The following ABCA2 variants were observed in gnomAD, a reference collection of about 807,000 sequenced individuals.
The protein encoded by ABCA2 is ATP-binding cassette sub-family A member 2.
A neutral mutation model predicts 262.8 loss-of-function variants in ABCA2; 84 were observed. The ratio of observed to expected loss-of-function variants is 0.32; its 90% confidence interval spans 0.27 to 0.38. The LOEUF (loss-of-function observed/expected upper bound fraction) is 0.38. ABCA2 is among the 10% of genes least tolerant of loss of function. The pLI, the probability that ABCA2 is intolerant of heterozygous loss-of-function variation, is 1.00. For synonymous variants in ABCA2, 1,696 were observed against 1,502.9 expected (o/e 1.13, Z -2.97); for missense variants, 2,662 against 3,405.9 (o/e 0.78, Z 5.44).
chr9:137,022,539 G>C, intron 5 of ABCA2, 61 bp from the exon 6 acceptor site: 1 of 1,586,190 alleles, frequency 6.3e-7, no homozygotes, highest in Non-Finnish European at 8.6e-7. Context: ...GCCCCCACAT[G>C]CGCTCGGAGC....
intron 1 of ABCA2, among the ~76,000 whole-genome samples, chr9:137,024,700 A>C (rs1359544120): frequency 4.6e-5 from 7 of 151,586 alleles, no homozygotes; most frequent in South Asian, 4.2e-4. Context: ...GGAGATGAGG[A>C]GGCCTGGTTG....
chr9:137,007,967 G>C lies in ABCA2; in HGVS notation c.7276-3C>G. ...TCCGTGTTGAAGGACAGCTGGGCCT[G>C]TGCACAGGGGAGGTCAGGCTTATGG... On this transcript the variant is annotated splice_polypyrimidine_tract_variant and splice_region_variant and intron_variant, in intron 48 of 48. Transcript: ENST00000341511. 1 of 1,603,992 alleles carries C rather than the reference G, an allele frequency of 6.2e-7. No homozygotes were observed. The highest frequency in any genetic ancestry group is 8.5e-7 in the Non-Finnish European group (1 of 1,179,482).
Position 137,020,819 on chromosome 9 carries a change from G to A in ABCA2, c.1140C>T (p.Asn380=), listed in dbSNP as rs546613988. 2.3e-5 allele frequency: 36 copies of A among 1,562,596 alleles called. No homozygotes were observed. The highest frequency in any genetic ancestry group is 3.8e-5 in the Admixed American group (2 of 53,152). The change falls in exon 9 of 49, where the codon AAC becomes AAT. Residue 380 remains asparagine, a synonymous_variant. Transcript: ENST00000341511. ...GTGAGAVMGP[N]ATAEEGAPSA... ...AGGGTGCGCCCTCCTCAGCGGTGGC[G>A]TTGGGGCCCATGACTGCCCCTGCCC...
At position 137,019,314 on chromosome 9, in the gene ABCA2, G is replaced by C. The variant is rs563219144; in HGVS notation, c.1426-8C>G. On this transcript the variant is annotated splice_polypyrimidine_tract_variant and splice_region_variant and intron_variant, in intron 10 of 48. Coordinates refer to ENST00000341511, the MANE Select transcript of ABCA2 (RefSeq NM_001606.5). The surrounding 1 kb of genome is among the most constrained non-coding windows in gnomAD (Gnocchi z 4.4). ...AGCAAAAGTCTCGTTGGCCTGCAGG[G>C]GGTGAGGCAGGGGCATGGAGTTTCT... The C allele has an allele frequency of 1.9e-6, 3 of 1,612,204 alleles. No homozygotes were observed. The Admixed American group carries it at 5.0e-5, about 27-fold the overall frequency.
rs1376297700 is a variant in ABCA2, at chr9:137,015,984, C to T, written c.3295G>A (p.Glu1099Lys). 5.7e-6 allele frequency: 8 copies of T among 1,415,880 alleles called. No individual in the cohort carries two copies. Among genetic ancestry groups the T allele is most frequent in the Non-Finnish European group, 7.6e-6 (8 of 1,055,524 alleles). The allele number at this position is 1,415,880 out of a possible 1,614,324, so 87.7% of individuals were successfully genotyped here. ...YSRLKSMAQE[E>K]IRREMDKMIE... ...CACTTGTCCATCTCTCTGCGGATCT[C>T]CTCCTGAGCCATGCTCTTGAGCCGT... Residue 1099 changes from glutamate (E) to lysine (K), a missense_variant, in exon 22 of 49, where the codon GAG (glutamate) becomes AAG (lysine). Transcript: ENST00000341511.
rs373818717 is a variant in ABCA2 at position 137,013,201 on chromosome 9, C to T, written c.4668G>A (p.Thr1556=). 3.7e-6 allele frequency: 6 copies of T among 1,600,990 alleles called. No individual in the cohort carries two copies. The highest frequency in any genetic ancestry group is 4.3e-6 in the Non-Finnish European group (5 of 1,176,176). The change falls in exon 30 of 49, where the codon ACG becomes ACA. Residue 1556 remains threonine, a synonymous_variant. Coordinates refer to ENST00000341511, the MANE Select transcript of ABCA2 (RefSeq NM_001606.5). ...GCGACTCCCCGCTGCTCAGGTTCAA[C>T]GTGGGCCCCAGCGAGCCGTTGGCGG... ...KSPANGSLGP[T]LNLSSGESRL...
rs1831551695 is a variant in ABCA2 at position 137,023,599 on chromosome 9, A to T, written c.163+239T>A. Reference sequence around the variant, plus strand: ...CTAGAAGGCAAGGCCAGGCAGAGAGATGCCGCCTCAGCTTGACCCAGGCAC... The same window carrying T: ...CTAGAAGGCAAGGCCAGGCAGAGAGTTGCCGCCTCAGCTTGACCCAGGCAC... On this transcript the variant is annotated intron_variant, in intron 3 of 48. Transcript: ENST00000341511. 2.2e-5 allele frequency: 16 copies of T among 731,454 alleles called. No individual in the cohort carries two copies. The South Asian group carries it at 2.3e-4, about 10-fold the overall frequency. The allele number at this position is 731,454 out of a possible 1,614,324, so 45.3% of individuals were successfully genotyped here.
At chr9:137,014,838 C>T (rs760677245) in intron 25 of ABCA2, 28 bp from the exon 26 acceptor site, 23 of 1,587,796 alleles carry the variant, frequency 1.4e-5, no homozygotes, top group East Asian at 4.5e-5. Context: ...GGGGAGGCTG[C>T]GGCAGGGACG....
intron 10 of ABCA2, 84 bp downstream of exon 10, chr9:137,020,252 A>T (rs1004408537): frequency 4.7e-5 from 74 of 1,578,942 alleles, no homozygotes; most frequent in Non-Finnish European, 6.3e-5. Flanking sequence ...AATTCTGCCG[A>T]CACCCTCTGC....
intron 45 of ABCA2, 106 bp downstream of exon 45, chr9:137,009,264 G>A: frequency 1.2e-6 from 1 of 811,954 alleles, no homozygotes; most frequent in Non-Finnish European, 1.8e-6. Context: ...AGCCCCCCTG[G>A]CCCCACAGCC....
Position 137,008,812 on chromosome 9 carries a change from G to C in ABCA2, c.6987C>G (p.Ala2329=). The C allele has an allele frequency of 6.2e-7, 1 of 1,605,052 alleles. No homozygotes were observed. The highest frequency in any genetic ancestry group is 8.5e-7 in the Non-Finnish European group (1 of 1,179,012). The change falls in exon 47 of 49, where the codon GCC becomes GCG. Residue 2329 remains alanine (A), a synonymous_variant. Transcript: ENST00000341511. ...CCTGCTCCATCTTGCTGAACACCTG[G>C]GCCAGCGAGATGTGCTCCGACTTGA... The part of the protein sequence containing the change: ...YQLKSEHISL[A]QVFSKMEQVS...
rs1204287704 is a variant in ABCA2 at position 137,007,827 on chromosome 9, G to A, written c.*102C>T. The A allele has an allele frequency of 2.0e-6, 3 of 1,501,452 alleles. No individual in the cohort carries two copies. Among genetic ancestry groups the A allele is most frequent in the Non-Finnish European group, 2.7e-6 (3 of 1,108,568 alleles). The allele number at this position is 1,501,452 out of a possible 1,614,324, so 93.0% of individuals were successfully genotyped here. On this transcript the variant is annotated 3_prime_UTR_variant, in exon 49 of 49. Transcript: ENST00000341511. ...CCCTTGGTCCTGAACCTCCACTCCA[G>A]GCCCTGGCAGGCACTGGGGGACTTC... is the stretch of plus-strand genomic sequence containing the variant.
Position 137,009,030 on chromosome 9 carries a change from G to A in ABCA2, c.6851C>T (p.Thr2284Met), listed in dbSNP as rs767204092. 16 of 1,607,826 alleles carry A rather than the reference G, an allele frequency of 1.0e-5. No individual in the cohort carries two copies. Among genetic ancestry groups the A allele is most frequent in the Admixed American group, 3.3e-5 (2 of 59,878 alleles). Residue 2284 changes from threonine (T) to methionine (M), a missense_variant, in exon 46 of 49, where the codon ACG becomes ATG. By Grantham distance (81) the Thr-to-Met change is moderately conservative. Coordinates refer to ENST00000341511, the MANE Select transcript of ABCA2 (RefSeq NM_001606.5). ...KNRFGDGYMITVRTKSSQSVK... is the reference protein window; with the variant it reads ...KNRFGDGYMIMVRTKSSQSVK... ...ACTCTGGCTGCTCTTGGTCCGCACC[G>A]TGATCATGTAGCCATCTCCAAACCT...
Position 137,012,859 on chromosome 9 carries a change from G to T in ABCA2, c.4934C>A (p.Ala1645Glu). 6.2e-7 allele frequency: 1 copy of T among 1,602,600 alleles called. No homozygotes were observed. The highest frequency in any genetic ancestry group is 8.5e-7 in the Non-Finnish European group (1 of 1,174,040). ...GGGGCAGGAGAAGCCGGTGCCCTGC[G>T]CAGAGCAGGTGCAGCGGACGGGCTC... ...VREPVRCTCS[A>E]QGTGFSCPSS... is the part of the protein sequence containing the mutation. The change falls in exon 31 of 49, where the codon GCG becomes GAG. Residue 1645 changes from alanine (A) to glutamate (E), a missense_variant. This residue lies in a region of ABCA2 where 192 missense variants were observed against 207.2 expected (regional missense o/e 0.93). Coordinates refer to ENST00000341511, the MANE Select transcript of ABCA2 (RefSeq NM_001606.5).
intron 10 of ABCA2, 170 bp downstream of exon 10, chr9:137,020,166 G>T: frequency 1.1e-6 from 1 of 877,434 alleles, no homozygotes; most frequent in Middle Eastern, 3.5e-4. Flanking sequence ...CTCCCGAAAG[G>T]AAAAGCGACC....
At position 137,023,149 on chromosome 9, in the gene ABCA2, A is replaced by G. The variant is rs1831538667; in HGVS notation, c.164-97T>C. The stretch of plus-strand genomic sequence containing the variant: ...AGGGAGACAGAGGCCGAGAGGAGAA[A>G]TTTAGAGAAAGTCAGGAAGGAGAAG... On this transcript the variant is annotated intron_variant, in intron 3 of 48. Transcript: ENST00000341511. The G allele has an allele frequency of 7.2e-6, 7 of 971,878 alleles. No individual in the cohort carries two copies. In the South Asian group the frequency reaches 1.0e-4, roughly 14 times the overall value. 60.2% of individuals were successfully genotyped at this position (971,878 alleles called of 1,614,324 possible). A position where few individuals can be genotyped will look rare whatever the true frequency, so the allele number is the denominator to read the frequency against.
At chr9:137,013,690 C>G in intron 28 of ABCA2, 127 bp from the exon 29 acceptor site, 1 of 1,331,604 alleles carries the variant, frequency 7.5e-7, no homozygotes, top group Non-Finnish European at 1.0e-6. Flanking sequence ...AGACAGGACT[C>G]CCGGATGAAC....
rs1831132948 is a variant in ABCA2 at position 137,013,267 on chromosome 9, C to G, written c.4602G>C (p.Arg1534=). ...ASPQQLVSTF[R]LPSGVGATCV... ...AGGTGGCACCCACCCCCGACGGCAG[C>G]CGGAACGTGCTCACGAGCTGCTGGG... Residue 1534 remains arginine (R), a synonymous_variant, in exon 30 of 49, where the codon CGG becomes CGC. Coordinates refer to ENST00000341511, the MANE Select transcript of ABCA2 (RefSeq NM_001606.5). 2 of 1,589,518 alleles carry G rather than the reference C, an allele frequency of 1.3e-6. No individual in the cohort carries two copies. Among genetic ancestry groups the G allele is most frequent in the East Asian group, 4.5e-5 (2 of 44,222 alleles).
intron 24 of ABCA2, among the ~76,000 whole-genome samples, 154 bp from the exon 25 acceptor site, chr9:137,015,251 G>T (rs780136488): frequency 6.6e-6 from 1 of 152,090 alleles, no homozygotes; most frequent in Non-Finnish European, 1.5e-5. Context: ...TGAGGACCCA[G>T]CCTCTCCAAG....
Sources: gnomAD v4.1 joint callset for allele counts (sites outside exome capture counted in the v4.1 genomes callset) on GRCh38, gnomAD v4.1.1 for gene constraint, gnomAD v4.1.1 regional missense constraint, Gnocchi (gnomAD v3.1) non-coding constraint, MANE v1.5 for transcripts, NCBI Gene and HGNC (gene_info 2026-07-23, HGNC 2026-07-21) for gene names.